TNKS: variants seen among roughly 807,000 people sequenced by gnomAD.
TNKS encodes tankyrase.
Under a neutral mutation model 135.8 loss-of-function variants are expected in TNKS, and 72 were observed. That is an observed-to-expected ratio of 0.53 (90% confidence interval 0.44 to 0.64). The LOEUF is 0.64. Ranked by LOEUF, TNKS falls within the 30% of genes least tolerant of loss-of-function variation. The probability of loss-of-function intolerance (pLI) is 0.00; values close to 1 mark genes in which losing one functional copy is unlikely to be tolerated. For synonymous variants in TNKS, 849 were observed against 649.3 expected, an observed-to-expected ratio of 1.31 and a Z score of -4.68; for missense variants, 1,769 against 1,674.0, an observed-to-expected ratio of 1.06 and a Z score of -0.99.
intron 11 of TNKS, among the ~76,000 whole-genome samples, chr8:9,711,861 G>A (rs925351314): frequency 1.3e-4 from 20 of 152,130 alleles, no homozygotes; most frequent in Non-Finnish European, 1.3e-4. Flanking sequence ...TCACCCAGCC[G>A]TCATATCTAC....
At chr8:9,571,170 A>G (rs1027160493) in intron 1 of TNKS, among the ~76,000 whole-genome samples, 1 of 152,138 alleles carries the variant, frequency 6.6e-6, no homozygotes, top group African/African-American at 2.4e-5. Context: ...GAATTTAAGG[A>G]AGCTACACCA....
At chr8:9,721,534 A>G (rs1804880801) in intron 12 of TNKS, among the ~76,000 whole-genome samples, 1 of 151,688 alleles carries the variant, frequency 6.6e-6, no homozygotes, top group South Asian at 2.1e-4. Context: ...CTGCTATGGA[A>G]TGAAATGACA....
intron 3 of TNKS, among the ~76,000 whole-genome samples, chr8:9,657,658 C>T (rs1303205493): frequency 1.2e-5 from 1 of 86,886 alleles, no homozygotes; most frequent in Non-Finnish European, 2.5e-5. Context: ...GGGGCTGACC[C>T]CCCCATCTCC....
chr8:9,563,666 C>A (rs1797420456), intron 1 of TNKS, among the ~76,000 whole-genome samples: 1 of 152,178 alleles, frequency 6.6e-6, no homozygotes, highest in African/African-American at 2.4e-5. Context: ...TTTCTGAACT[C>A]TCTCCTTTTA....
intron 2 of TNKS, among the ~76,000 whole-genome samples, chr8:9,582,225 T>G (rs1318578218): frequency 6.6e-6 from 1 of 152,144 alleles, no homozygotes; most frequent in African/African-American, 2.4e-5. Flanking sequence ...TTTTCTGGAG[T>G]TGAATATGGT....
intron 26 of TNKS, among the ~76,000 whole-genome samples, chr8:9,772,072 AGAGGGAGAGAGAAG>A (rs987977645): frequency 3.2e-5 from 4 of 123,552 alleles, no homozygotes; most frequent in Admixed American, 1.6e-4. Flanking sequence ...GGAGGGGGAG[AGAGGGAGAGAGAAG>A]GAGGGAGGGA....
rs1487468324 is a variant in TNKS at position 9,704,737 on chromosome 8, T to C, written c.1182T>C (p.Asp394=). 6.8e-6 allele frequency: 11 copies of C among 1,613,270 alleles called. No individual in the cohort carries two copies. The highest frequency in any genetic ancestry group is 9.3e-6 in the Non-Finnish European group (11 of 1,179,348). Residue 394 remains aspartate (D), a synonymous_variant, in exon 6 of 27, where the codon GAT becomes GAC. Coordinates refer to ENST00000310430, the MANE Select transcript of TNKS (RefSeq NM_003747.3). ...IVQLLLQHGA[D]VHAKDKGGLV... ...AGCTTCTTCTTCAGCATGGTGCTGA[T>C]GTTCATGCAAAAGACAAAGGGTAGG...
At chr8:9,772,833 GTGTGT>G (rs1808005377) in intron 26 of TNKS, among the ~76,000 whole-genome samples, 2 of 106,026 alleles carry the variant, frequency 1.9e-5, no homozygotes, top group Non-Finnish European at 3.9e-5. Flanking sequence ...GTGTGTGTCT[GTGTGT>G]GTGTGTGTGT....
intron 26 of TNKS, chr8:9,772,524 T>A (rs901003267): frequency 1.7e-5 from 7 of 424,106 alleles, no homozygotes; most frequent in Admixed American, 2.6e-5. Context: ...GTGCTAACTT[T>A]CCAGATTACA....
chr8:9,763,081 TTTTTA>T, intron 21 of TNKS, 61 bp from the exon 22 acceptor site: 1 of 633,048 alleles, frequency 1.6e-6, no homozygotes, highest in Non-Finnish European at 2.3e-6. Flanking sequence ...TTTTTTTTTT[TTTTTA>T]TAAAATAGAG....
At chr8:9,745,027 C>T (rs191018599) in intron 17 of TNKS, among the ~76,000 whole-genome samples, 133 of 152,272 alleles carry the variant, frequency 8.7e-4, no homozygotes, top group African/African-American at 2.9e-3. Context: ...TTATATTATT[C>T]GGCCTGTAAA....
At chr8:9,732,579 TAA>T (rs35951542) in intron 14 of TNKS, among the ~76,000 whole-genome samples, 36 of 129,734 alleles carry the variant, frequency 2.8e-4, no homozygotes, top group Admixed American at 3.0e-4. Context: ...ATCCCAAAAC[TAA>T]AAAAAAAAAA....
At chr8:9,775,532 TTTG>T (rs2128845121) in intron 26 of TNKS, among the ~76,000 whole-genome samples, 1 of 143,366 alleles carries the variant, frequency 7.0e-6, no homozygotes, top group East Asian at 2.1e-4. Flanking sequence ...TTTATGTTTT[TTTG>T]TTATTTTTAA....
Position 9,753,373 on chromosome 8 carries a change from G to T in TNKS, c.3153+747G>T, listed in dbSNP as rs11995313. Among the ~76,000 whole-genome samples, 142 of 152,282 alleles carry T rather than the reference G, an allele frequency of 9.3e-4. 1 individual carries two copies. The highest frequency in any genetic ancestry group is 3.4e-3 in the African/African-American group (140 of 41,558). ...AAAATTGCCCCTTTATGAAGTTTCT[G>T]TTGTCCACTTGGAGTCTTAAATAAT... On this transcript the variant is annotated intron_variant, in intron 20 of 26. Transcript: ENST00000310430.
intron 12 of TNKS, among the ~76,000 whole-genome samples, chr8:9,721,700 G>C (rs1804888448): frequency 6.6e-6 from 1 of 152,120 alleles, no homozygotes; most frequent in Admixed American, 6.5e-5. Flanking sequence ...CATTTCAGAA[G>C]TGAAATTCAT....
intron 2 of TNKS, among the ~76,000 whole-genome samples, chr8:9,581,522 C>G (rs1005152586): frequency 1.3e-5 from 2 of 152,186 alleles, no homozygotes; most frequent in Non-Finnish European, 2.9e-5. Context: ...AACATCCTCT[C>G]TCTGACTACA....
intron 3 of TNKS, among the ~76,000 whole-genome samples, chr8:9,632,312 T>G (rs1217140507): frequency 6.6e-6 from 1 of 152,206 alleles, no homozygotes; most frequent in African/African-American, 2.4e-5. Flanking sequence ...TTGAAAAATT[T>G]CCAACTTACA....
intron 2 of TNKS, among the ~76,000 whole-genome samples, chr8:9,597,536 A>G (rs1320512230): frequency 6.6e-6 from 1 of 152,200 alleles, no homozygotes; most frequent in Non-Finnish European, 1.5e-5. Context: ...TGTAATTTAG[A>G]TTCTTTTAAC....
At chr8:9,731,164 A>T in intron 14 of TNKS, 129 bp downstream of exon 14, 1 of 1,206,428 alleles carries the variant, frequency 8.3e-7, no homozygotes, top group Non-Finnish European at 1.1e-6. Flanking sequence ...AACATAAATT[A>T]AAACATAGAA....
Sources: allele counts gnomAD v4.1 joint callset (sites outside exome capture counted in the v4.1 genomes callset), GRCh38; gene constraint gnomAD v4.1.1; transcripts MANE v1.5; gene names NCBI Gene and HGNC (gene_info 2026-07-23, HGNC 2026-07-21).